Variants in FBXO25 observed in about 807,000 individuals in gnomAD.
The protein encoded by FBXO25 is F-box only protein 25.
Under a neutral mutation model 51.9 loss-of-function variants are expected in FBXO25, and 45 were observed. The ratio of observed to expected loss-of-function variants is 0.87; its 90% confidence interval spans 0.68 to 1.11. The LOEUF is 1.11. Among genes scored for constraint, FBXO25 ranks in the 50% most tolerant of loss-of-function variants. FBXO25 has a pLI of 0.00. For synonymous variants in FBXO25, 199 were observed against 151.0 expected (o/e 1.32, Z -2.33); for missense variants, 507 against 428.5 (o/e 1.18, Z -1.62).
At chr8:467,266 G>A (rs1800229830) in intron 9 of FBXO25, among the ~76,000 whole-genome samples, 1 of 152,164 alleles carries the variant, frequency 6.6e-6, no homozygotes, top group Admixed American at 6.5e-5. Flanking sequence ...GGGCATGTGT[G>A]GAATTGACTT....
chr8:467,977 T>G (rs1800294133), intron 9 of FBXO25: 4 of 1,381,962 alleles, frequency 2.9e-6, no homozygotes, highest in Non-Finnish European at 3.8e-6. Context: ...TGAGGGAGGC[T>G]GCTAGATGTG....
chr8:421,586 A>C (rs554411456), intron 2 of FBXO25, among the ~76,000 whole-genome samples: 67 of 152,316 alleles, frequency 4.4e-4, no homozygotes, highest in African/African-American at 1.6e-3. Context: ...AGGTGTCAGC[A>C]TGAACTAGGG....
Position 475,663 on chromosome 8 carries a change from T to G in FBXO25, c.*6859T>G, listed in dbSNP as rs1000335710. The stretch of plus-strand genomic sequence containing the variant: ...AAGTTTATTCCTAAATATTTCAGTT[T>G]TTTTGTTACTATTATAATGGAATTT... On this transcript the variant is annotated 3_prime_UTR_variant, in exon 10 of 10. Transcript: ENST00000350302. The G allele has an allele frequency of 3.9e-5, 6 of 152,202 alleles. No individual in the cohort carries two copies. Among genetic ancestry groups the G allele is most frequent in the Non-Finnish European group, 5.9e-5 (4 of 68,012 alleles). The allele number at this position is 152,202 out of a possible 1,614,324, so 9.4% of individuals were successfully genotyped here. A position where few individuals can be genotyped will look rare whatever the true frequency, so the allele number is the denominator to read the frequency against.
At chr8:463,258 A>G (rs1020700202) in intron 9 of FBXO25, 108 bp downstream of exon 9, 15 of 1,233,778 alleles carry the variant, frequency 1.2e-5, no homozygotes, top group South Asian at 1.0e-4. Context: ...ACTGTTTGTT[A>G]TAAGTAAGTT....
At chr8:438,974 C>T (rs188044261) in intron 5 of FBXO25, among the ~76,000 whole-genome samples, 55 of 152,350 alleles carry the variant, frequency 3.6e-4, no homozygotes, top group Non-Finnish European at 6.6e-4. Flanking sequence ...TGTTCACCCA[C>T]TGCTGAAAAC....
At chr8:452,173 C>G (rs1337694936) in intron 7 of FBXO25, among the ~76,000 whole-genome samples, 1 of 152,162 alleles carries the variant, frequency 6.6e-6, no homozygotes, top group African/African-American at 2.4e-5. Flanking sequence ...TTTTCAAGTG[C>G]CCTTTGAATG....
chr8:433,527 A>G (rs1474444809), intron 4 of FBXO25, among the ~76,000 whole-genome samples: 1 of 152,088 alleles, frequency 6.6e-6, no homozygotes, highest in Non-Finnish European at 1.5e-5. Flanking sequence ...GTTTGTGCAG[A>G]GCTGTGTGAA....
At chr8:440,592 A>G (rs1798367228) in intron 5 of FBXO25, among the ~76,000 whole-genome samples, 2 of 151,608 alleles carry the variant, frequency 1.3e-5, no homozygotes, top group African/African-American at 2.4e-5. Context: ...TTTTTTTTAA[A>G]TTTTTTAAAT....
intron 5 of FBXO25, among the ~76,000 whole-genome samples, chr8:447,105 A>G (rs1162785747): frequency 6.6e-6 from 1 of 152,204 alleles, no homozygotes; most frequent in African/African-American, 2.4e-5. Context: ...CGAGCCCCAC[A>G]TACCCTGTGC....
intron 2 of FBXO25, among the ~76,000 whole-genome samples, chr8:422,618 CTG>C (rs1296972284): frequency 1.3e-5 from 2 of 152,208 alleles, no homozygotes; most frequent in East Asian, 3.9e-4. Context: ...CTTGGGGACA[CTG>C]TGTGTTCTGC....
chr8:453,836 C>A (rs1162827557), intron 7 of FBXO25, among the ~76,000 whole-genome samples: 1 of 152,164 alleles, frequency 6.6e-6, no homozygotes, highest in Admixed American at 6.5e-5. Context: ...TACCTTGACA[C>A]CCCTGGCCGG....
At position 469,747 on chromosome 8, in the gene FBXO25, C is replaced by T. The variant is rs1800416009; in HGVS notation, c.*943C>T. 1 of 152,184 alleles carries T rather than the reference C, an allele frequency of 6.6e-6. No homozygotes were observed. The allele number at this position is 152,184 out of a possible 1,614,324, so 9.4% of individuals were successfully genotyped here. Reference sequence around the variant, plus strand: ...CTGAAAAGAGTATGAAAAATCCCCTCAGCAGGCATAGGATAGAAACGTATT... The same window carrying T: ...CTGAAAAGAGTATGAAAAATCCCCTTAGCAGGCATAGGATAGAAACGTATT... On this transcript the variant is annotated 3_prime_UTR_variant, in exon 10 of 10. Coordinates refer to ENST00000350302, the MANE Select transcript of FBXO25 (RefSeq NM_183420.2).
intron 9 of FBXO25, 50 bp from the exon 10 acceptor site, chr8:468,665 G>A (rs1325605424): frequency 2.1e-6 from 3 of 1,424,586 alleles, no homozygotes; most frequent in Non-Finnish European, 3.0e-6. Flanking sequence ...CATCACTAGA[G>A]TGTGGCTGGT....
At chr8:411,541 T>A (rs543807144) in intron 1 of FBXO25, among the ~76,000 whole-genome samples, 1 of 152,332 alleles carries the variant, frequency 6.6e-6, no homozygotes, top group African/African-American at 2.4e-5. Context: ...CTAACTCTCT[T>A]CTGAACCATG....
At chr8:435,578 T>C (rs767726727) in intron 4 of FBXO25, 37 bp from the exon 5 acceptor site, 1 of 1,590,638 alleles carries the variant, frequency 6.3e-7, no homozygotes, top group Non-Finnish European at 8.5e-7. Flanking sequence ...TCTTTTTGGC[T>C]AATTGACTAA....
At chr8:464,368 A>C (rs200070637) in intron 9 of FBXO25, among the ~76,000 whole-genome samples, 2 of 152,198 alleles carry the variant, frequency 1.3e-5, no homozygotes. Flanking sequence ...TGGGGGAAAA[A>C]AAATGTTGAA....
In FBXO25 at chr8:472,812, T is replaced by A. The variant is rs557532615; in HGVS notation, c.*4008T>A. 1 of 152,334 alleles carries A rather than the reference T, an allele frequency of 6.6e-6. No homozygotes were observed. Among genetic ancestry groups the A allele is most frequent in the East Asian group, 1.9e-4 (1 of 5,180 alleles). The allele number at this position is 152,334 out of a possible 1,614,324, so 9.4% of individuals were successfully genotyped here. A position where few individuals can be genotyped will look rare whatever the true frequency, so the allele number is the denominator to read the frequency against. On this transcript the variant is annotated 3_prime_UTR_variant, in exon 10 of 10. Transcript: ENST00000350302. ...TGTGAAACCTAGTCTGTTCTGCTTA[T>A]CTTCAGAATTATCAAAAGGAAGGGG...
At chr8:456,250 C>A (rs1799421702) in intron 7 of FBXO25, among the ~76,000 whole-genome samples, 1 of 152,092 alleles carries the variant, frequency 6.6e-6, no homozygotes, top group Non-Finnish European at 1.5e-5. Context: ...TGCTCTGTTG[C>A]CCAGGCTGGA....
At chr8:445,248 G>T (rs1391813748) in intron 5 of FBXO25, among the ~76,000 whole-genome samples, 1 of 152,116 alleles carries the variant, frequency 6.6e-6, no homozygotes, top group Non-Finnish European at 1.5e-5. Context: ...CTTGCCTTCT[G>T]CTGCTGATTT....
Sources: gnomAD v4.1 joint callset for allele counts (sites outside exome capture counted in the v4.1 genomes callset) on GRCh38, gnomAD v4.1.1 for gene constraint, MANE v1.5 for transcripts, NCBI Gene and HGNC (gene_info 2026-07-23, HGNC 2026-07-21) for gene names.